Variants in KLHDC4 observed in about 807,000 individuals in gnomAD.
KLHDC4 encodes kelch domain-containing protein 4.
KLHDC4 carries 90 observed loss-of-function variants against 62.4 expected under a neutral mutation model. That is an observed-to-expected ratio of 1.44 (90% confidence interval 1.22 to 1.72). KLHDC4 has a LOEUF of 1.72. Ranked by LOEUF, KLHDC4 falls within the 40% of genes most tolerant of loss-of-function variation. The pLI is 0.00. For missense variants in KLHDC4, 1,025 were observed against 699.7 expected, an observed-to-expected ratio of 1.47 and a Z score of -5.25; for synonymous variants, 386 against 284.4, an observed-to-expected ratio of 1.36 and a Z score of -3.59.
intron 6 of KLHDC4, among the ~76,000 whole-genome samples, chr16:87,727,817 C>A (rs1217313207): frequency 6.6e-6 from 1 of 152,116 alleles, no homozygotes; most frequent in African/African-American, 2.4e-5. Flanking sequence ...CCGGTTTTCT[C>A]CTGTTTGTTC....
At chr16:87,714,616 G>A (rs1336211258) in intron 7 of KLHDC4, 43 bp from the exon 8 acceptor site, 10 of 1,608,078 alleles carry the variant, frequency 6.2e-6, no homozygotes, top group African/African-American at 1.3e-5. Flanking sequence ...GGCAGCTACA[G>A]TGGTTGCTTA....
At chr16:87,730,335 A>G (rs2040120317) in intron 6 of KLHDC4, among the ~76,000 whole-genome samples, 2 of 152,210 alleles carry the variant, frequency 1.3e-5, no homozygotes, top group Admixed American at 6.5e-5. Context: ...TTGTTCAACA[A>G]TGGTTAAGAA....
chr16:87,708,064 G>C lies in KLHDC4; in HGVS notation c.*13C>G, dbSNP rs564003268. 5.4e-6 allele frequency: 3 copies of C among 558,854 alleles called. No individual in the cohort carries two copies. The African/African-American group carries it at 5.6e-5, about 10-fold the overall frequency. 34.6% of individuals were successfully genotyped at this position (558,854 alleles called of 1,614,324 possible). On this transcript the variant is annotated 3_prime_UTR_variant, in exon 12 of 12. Coordinates refer to ENST00000270583, the MANE Select transcript of KLHDC4 (RefSeq NM_017566.4). ...GCACAGCACTTGCCAGGCGCCCCTG[G>C]CAGGGGCTCTTCTGATACGCAAGGA... is the stretch of plus-strand genomic sequence containing the variant.
intron 4 of KLHDC4, among the ~76,000 whole-genome samples, 166 bp downstream of exon 4, chr16:87,755,028 G>A (rs1403504829): frequency 6.6e-6 from 1 of 152,178 alleles, no homozygotes; most frequent in Non-Finnish European, 1.5e-5. Flanking sequence ...CCGTCTCACA[G>A]TGAAGAAGCT....
chr16:87,752,297 C>A (rs1266564781), intron 4 of KLHDC4, among the ~76,000 whole-genome samples: 2 of 148,396 alleles, frequency 1.3e-5, no homozygotes, highest in South Asian at 2.1e-4. Flanking sequence ...AAACTCCAGG[C>A]AAGAGTGTAA....
chr16:87,700,733 G>A lies in KLHDC4; in HGVS notation c.*906C>T, dbSNP rs1217618684. 79 of 213,692 alleles carry A rather than the reference G, an allele frequency of 3.7e-4. 1 individual carries two copies. Among genetic ancestry groups the A allele is most frequent in the South Asian group, 2.5e-3 (50 of 20,296 alleles). The allele number at this position is 213,692 out of a possible 1,614,324, so 13.2% of individuals were successfully genotyped here. On this transcript the variant is annotated 3_prime_UTR_variant, in exon 1 of 1. Coordinates refer to the KLHDC4 transcript ENST00000446344. ...GGGCGGAGGGAGGAGGTTGGAGGGC[G>A]GAGGGGAGGAGGATGCAGGGCAGAG...
chr16:87,713,049 T>G (rs115329437), intron 8 of KLHDC4, among the ~76,000 whole-genome samples: 2,418 of 152,350 alleles, frequency 0.016, 68 homozygotes, highest in African/African-American at 0.055. Flanking sequence ...TTTTATTTTT[T>G]GAGACAGAGT....
intron 5 of KLHDC4, among the ~76,000 whole-genome samples, chr16:87,734,087 T>A (rs1299825805): frequency 6.6e-6 from 1 of 152,230 alleles, no homozygotes; most frequent in African/African-American, 2.4e-5. Flanking sequence ...GGCTCACGCC[T>A]GTCATCCCCA....
intron 1 of KLHDC4, among the ~76,000 whole-genome samples, chr16:87,763,981 G>GGA (rs747394233): frequency 4.1e-4 from 62 of 152,326 alleles, no homozygotes; most frequent in Non-Finnish European, 8.5e-4. Context: ...GTGAGCCCAG[G>GGA]GAGACAGCTG....
intron 9 of KLHDC4, chr16:87,710,054 G>A (rs1437036216): frequency 5.2e-6 from 1 of 194,032 alleles, no homozygotes; most frequent in Admixed American, 5.4e-5. Flanking sequence ...AGAAGGGCTG[G>A]GGAAGCCAGG....
At chr16:87,698,532 A>G (rs2033998274) in exon 1 of KLHDC4, 2 of 152,284 alleles carry the variant, frequency 1.3e-5, no homozygotes, top group African/African-American at 2.4e-5. Context: ...GAAGTTGTGC[A>G]GAGATCTAGG....
intron 5 of KLHDC4, among the ~76,000 whole-genome samples, chr16:87,735,827 G>A (rs74042403): frequency 0.026 from 4,031 of 152,272 alleles, 179 homozygotes; most frequent in African/African-American, 0.091. Flanking sequence ...CAGCAGCTGC[G>A]TGCAGGATGG....
chr16:87,737,375 G>A (rs1414369353), intron 5 of KLHDC4, among the ~76,000 whole-genome samples: 1 of 151,966 alleles, frequency 6.6e-6, no homozygotes, highest in African/African-American at 2.4e-5. Flanking sequence ...ATCACTTGAA[G>A]TCAGGAGTTC....
At chr16:87,762,267 T>A in intron 1 of KLHDC4, 1 of 790,044 alleles carries the variant, frequency 1.3e-6, no homozygotes, top group Non-Finnish European at 1.9e-6. Context: ...CACCAAGTAT[T>A]ATCTCCACAC....
intron 7 of KLHDC4, among the ~76,000 whole-genome samples, chr16:87,722,404 A>G (rs924180604): frequency 6.6e-6 from 1 of 152,190 alleles, no homozygotes; most frequent in African/African-American, 2.4e-5. Context: ...ATCTACAGGC[A>G]GGTCCAGCCC....
intron 6 of KLHDC4, 50 bp downstream of exon 6, chr16:87,730,502 C>A: frequency 2.8e-6 from 4 of 1,417,154 alleles, no homozygotes; most frequent in Non-Finnish European, 3.9e-6. Context: ...ATAAAAAGCC[C>A]ACTCCTTAAT....
At chr16:87,702,045 C>G (rs1232786249) in exon 1 of KLHDC4, 1 of 456,198 alleles carries the variant, frequency 2.2e-6, no homozygotes, top group Admixed American at 2.3e-5. Context: ...GGGTCTGGTC[C>G]CTGGTGACCC....
chr16:87,710,535 T>G (rs2035591822), intron 9 of KLHDC4: 1 of 152,278 alleles, frequency 6.6e-6, no homozygotes, highest in Admixed American at 6.5e-5. Flanking sequence ...TGACACTAGC[T>G]GGGGTCAACA....
downstream of KLHDC4, among the ~76,000 whole-genome samples, chr16:87,705,909 A>G (rs913039605): frequency 2.0e-5 from 3 of 152,236 alleles, no homozygotes; most frequent in Non-Finnish European, 2.9e-5. Context: ...CCCAGCACTC[A>G]GACAAAGTGC....
Sources: gnomAD v4.1 joint callset for allele counts (sites outside exome capture counted in the v4.1 genomes callset) on GRCh38, gnomAD v4.1.1 for gene constraint, MANE v1.5 for transcripts, NCBI Gene and HGNC (gene_info 2026-07-23, HGNC 2026-07-21) for gene names.